SDK1: variants seen among roughly 807,000 people sequenced by gnomAD.
The protein encoded by SDK1 is sidekick cell adhesion molecule 1, also known as protein sidekick-1.
In SDK1, 157 loss-of-function variants were observed where a neutral mutation model predicts 245.5. That is an observed-to-expected ratio of 0.64 (90% confidence interval 0.56 to 0.73). The LOEUF (loss-of-function observed/expected upper bound fraction) is 0.73. Ranked by LOEUF, SDK1 falls within the 30% of genes least tolerant of loss-of-function variation. The probability of loss-of-function intolerance (pLI) is 0.00; values close to 1 mark genes in which losing one functional copy is unlikely to be tolerated. For missense variants in SDK1, 3,583 were observed against 3,002.3 expected, an observed-to-expected ratio of 1.19 and a Z score of -4.52; for synonymous variants, 1,647 against 1,278.5, an observed-to-expected ratio of 1.29 and a Z score of -6.15.
chr7:3,838,297 A>T (rs1022269040), intron 5 of SDK1, among the ~76,000 whole-genome samples: 6 of 152,220 alleles, frequency 3.9e-5, no homozygotes, highest in East Asian at 1.9e-4. Context: ...TGGGTGACTA[A>T]AGCGAAAGTA....
intron 4 of SDK1, among the ~76,000 whole-genome samples, chr7:3,705,316 A>G (rs1036166390): frequency 2.0e-5 from 3 of 152,020 alleles, no homozygotes; most frequent in African/African-American, 7.2e-5. Context: ...CTTTCAATCC[A>G]TGAGCATGGG....
At chr7:3,968,146 A>G (rs184791537) in intron 10 of SDK1, among the ~76,000 whole-genome samples, 9 of 152,308 alleles carry the variant, frequency 5.9e-5, no homozygotes, top group African/African-American at 1.9e-4. Context: ...ATTCAGAATT[A>G]AGGATCACGG....
chr7:3,352,794 G>T (rs1780694862), intron 1 of SDK1, among the ~76,000 whole-genome samples: 1 of 151,364 alleles, frequency 6.6e-6, no homozygotes, highest in Non-Finnish European at 1.5e-5. Context: ...TTTTCACAAA[G>T]TTCTGAGGAG....
intron 1 of SDK1, among the ~76,000 whole-genome samples, chr7:3,522,200 C>G (rs1389883570): frequency 6.6e-6 from 1 of 151,936 alleles, no homozygotes; most frequent in African/African-American, 2.4e-5. Flanking sequence ...ATGCATCTTT[C>G]TCCTCTGTCA....
At chr7:3,838,345 A>G (rs1212052317) in intron 5 of SDK1, among the ~76,000 whole-genome samples, 1 of 152,224 alleles carries the variant, frequency 6.6e-6, no homozygotes, top group Non-Finnish European at 1.5e-5. Context: ...TTTGCTCTGG[A>G]AAACCCAGCA....
Position 3,512,138 on chromosome 7 carries a change from C to G in SDK1, c.299-106942C>G, listed in dbSNP as rs193107838. Among the ~76,000 whole-genome samples the G allele has an allele frequency of 5.9e-5, 9 of 152,154 alleles. No individual in the cohort carries two copies. The East Asian group carries it at 1.7e-3, about 29-fold the overall frequency. On this transcript the variant is annotated intron_variant, in intron 1 of 44. Transcript: ENST00000404826. The stretch of plus-strand genomic sequence containing the variant: ...CATAGTTATCTCTTCCCTCTAACCC[C>G]TGGCAACCACACGTCTTTTAACTGT...
chr7:3,582,480 T>C (rs1269326639), intron 1 of SDK1, among the ~76,000 whole-genome samples: 1 of 151,010 alleles, frequency 6.6e-6, no homozygotes, highest in Non-Finnish European at 1.5e-5. Flanking sequence ...CTCAGGTAGG[T>C]CTCCCTCAGG....
intron 17 of SDK1, among the ~76,000 whole-genome samples, chr7:4,025,184 T>G (rs868355717): frequency 6.6e-6 from 1 of 152,186 alleles, no homozygotes; most frequent in African/African-American, 2.4e-5. Context: ...TATCCACGAG[T>G]GTATTTGTGA....
At chr7:4,022,058 ACCC>A (rs1786937106) in intron 17 of SDK1, among the ~76,000 whole-genome samples, 2 of 152,104 alleles carry the variant, frequency 1.3e-5, no homozygotes, top group African/African-American at 4.8e-5. Context: ...GGCTTGAAGT[ACCC>A]CCAGCTATTA....
intron 4 of SDK1, among the ~76,000 whole-genome samples, chr7:3,805,374 A>G (rs1779215791): frequency 6.6e-6 from 1 of 152,204 alleles, no homozygotes; most frequent in Non-Finnish European, 1.5e-5. Context: ...CTTTGTATTG[A>G]TGCTCAAATT....
intron 1 of SDK1, among the ~76,000 whole-genome samples, chr7:3,603,791 C>T (rs1020133778): frequency 4.6e-5 from 7 of 152,122 alleles, no homozygotes; most frequent in South Asian, 2.1e-4. Flanking sequence ...CTAGTTTTTG[C>T]GCATTCAGTA....
At chr7:3,936,036 C>T (rs1780147339) in intron 5 of SDK1, among the ~76,000 whole-genome samples, 1 of 152,224 alleles carries the variant, frequency 6.6e-6, no homozygotes, top group Non-Finnish European at 1.5e-5. Context: ...AGTCCACCCA[C>T]ACAGTGGAAT....
chr7:3,587,936 G>T (rs1363571717), intron 1 of SDK1, among the ~76,000 whole-genome samples: 1 of 152,202 alleles, frequency 6.6e-6, no homozygotes, highest in Non-Finnish European at 1.5e-5. Context: ...ACATGTGTTG[G>T]ATGGTTCATT....
Position 4,071,118 on chromosome 7 carries a change from C to T in SDK1, c.3010+3182C>T, listed in dbSNP as rs570881675. Among the ~76,000 whole-genome samples the T allele has an allele frequency of 7.9e-5, 12 of 152,004 alleles. 1 individual carries two copies. In the South Asian group the frequency reaches 8.3e-4, roughly 11 times the overall value. On this transcript the variant is annotated intron_variant, in intron 20 of 44. Transcript: ENST00000404826. ...TTGGCTCACTGGAACATCCGCCTCC[C>T]GGTTCAAATGATTCTCCTGCCTTAG...
In SDK1 at chr7:4,094,460, C is replaced by T. The variant is rs148769802; in HGVS notation, c.3324+14876C>T. On this transcript the variant is annotated intron_variant, in intron 22 of 44. Transcript: ENST00000404826. ...TCTGCTCTACTCACCCCTCCAATCC[C>T]CATGTGCTGACATTCGCTGTGGTCC... 6.7e-3 allele frequency among the ~76,000 whole-genome samples: 1,019 copies of T among 152,316 alleles called. 12 individuals are homozygous for T. Among genetic ancestry groups the T allele is most frequent in the African/African-American group, 0.012 (492 of 41,574 alleles).
At chr7:3,361,092 ATCT>A (rs1780939318) in intron 1 of SDK1, among the ~76,000 whole-genome samples, 1 of 152,212 alleles carries the variant, frequency 6.6e-6, no homozygotes, top group African/African-American at 2.4e-5. Context: ...TGATCAAATC[ATCT>A]TAAACACATA....
At chr7:3,952,560 G>C (rs1396952502) in intron 7 of SDK1, among the ~76,000 whole-genome samples, 3 of 151,874 alleles carry the variant, frequency 2.0e-5, no homozygotes, top group African/African-American at 7.3e-5. Context: ...CCCAATCTGG[G>C]CCACAGGAGC....
intron 35 of SDK1, among the ~76,000 whole-genome samples, chr7:4,194,098 A>T (rs1179694648): frequency 2.0e-5 from 3 of 152,146 alleles, no homozygotes; most frequent in Non-Finnish European, 2.9e-5. Context: ...AACCAACAGA[A>T]GAACTCCATC....
At chr7:3,514,487 G>C (rs1406814722) in intron 1 of SDK1, among the ~76,000 whole-genome samples, 1 of 152,168 alleles carries the variant, frequency 6.6e-6, no homozygotes, top group Non-Finnish European at 1.5e-5. Flanking sequence ...AGATAGTCCA[G>C]GGTTGGTTTG....
Sources: gnomAD v4.1 joint callset for allele counts (sites outside exome capture counted in the v4.1 genomes callset) on GRCh38, gnomAD v4.1.1 for gene constraint, MANE v1.5 for transcripts, NCBI Gene and HGNC (gene_info 2026-07-23, HGNC 2026-07-21) for gene names.